Variants in TAFA4 observed in about 807,000 individuals in gnomAD.
TAFA4 encodes the protein chemokine-like protein TAFA-4.
In TAFA4, 20 loss-of-function variants were observed where a neutral mutation model predicts 21.1. The ratio of observed to expected loss-of-function variants is 0.95; its 90% CI spans 0.67 to 1.38. TAFA4 has a LOEUF of 1.38. Ranked by LOEUF, TAFA4 falls within the 40% of genes most tolerant of loss-of-function variation. The pLI, the probability that TAFA4 is intolerant of heterozygous loss-of-function variation, is 0.00. For missense variants in TAFA4, 211 were observed against 180.9 expected, an observed-to-expected ratio of 1.17 and a Z score of -0.95; for synonymous variants, 71 against 67.4, an observed-to-expected ratio of 1.05 and a Z score of -0.26.
chr3:68,815,630 G>C (rs1251191967), intron 3 of TAFA4, among the ~76,000 whole-genome samples: 1 of 152,208 alleles, frequency 6.6e-6, no homozygotes, highest in East Asian at 1.9e-4. Flanking sequence ...TCTCACACCA[G>C]TTAGAATGGC....
Position 68,767,978 on chromosome 3 carries a change from A to G in TAFA4, c.131-14960T>C, listed in dbSNP as rs539765543. Among the ~76,000 whole-genome samples the G allele has an allele frequency of 3.9e-5, 6 of 152,188 alleles. No individual in the cohort carries two copies. In the East Asian group the frequency reaches 1.2e-3, roughly 29 times the overall value. On this transcript the variant is annotated intron_variant, in intron 3 of 5. Coordinates refer to ENST00000295569, the MANE Select transcript of TAFA4 (RefSeq NM_182522.5). Reference sequence around the variant, plus strand: ...AAAAAATCAAATCTTTATTTGCTACATTTTTCAGATTTGCTTAAGCAGCCA... The same window carrying G: ...AAAAAATCAAATCTTTATTTGCTACGTTTTTCAGATTTGCTTAAGCAGCCA...
At chr3:68,875,762 C>A (rs917413065) in intron 3 of TAFA4, among the ~76,000 whole-genome samples, 1 of 152,028 alleles carries the variant, frequency 6.6e-6, no homozygotes. Context: ...TGTCAAATTA[C>A]TTTTGCCACT....
chr3:68,817,760 T>C (rs971356087), intron 3 of TAFA4, among the ~76,000 whole-genome samples: 10 of 151,742 alleles, frequency 6.6e-5, no homozygotes, highest in African/African-American at 1.7e-4. Context: ...AAAAGGAATC[T>C]CTTTTTTTTC....
At chr3:68,843,033 C>T (rs1472270410) in intron 3 of TAFA4, among the ~76,000 whole-genome samples, 1 of 152,122 alleles carries the variant, frequency 6.6e-6, no homozygotes, top group Non-Finnish European at 1.5e-5. Context: ...TTTTCAGTTC[C>T]ATATAAAATT....
intron 3 of TAFA4, among the ~76,000 whole-genome samples, chr3:68,839,362 T>G (rs541770529): frequency 6.6e-6 from 1 of 152,206 alleles, no homozygotes; most frequent in Non-Finnish European, 1.5e-5. Flanking sequence ...AGTTACATTA[T>G]TATATGGGGA....
At chr3:68,841,652 C>G (rs1308665514) in intron 3 of TAFA4, among the ~76,000 whole-genome samples, 1 of 152,026 alleles carries the variant, frequency 6.6e-6, no homozygotes, top group Non-Finnish European at 1.5e-5. Flanking sequence ...CACCCATGAA[C>G]CCATCATCTA....
chr3:68,853,952 T>C (rs1405201589), intron 3 of TAFA4, among the ~76,000 whole-genome samples: 1 of 152,208 alleles, frequency 6.6e-6, no homozygotes, highest in East Asian at 1.9e-4. Flanking sequence ...ACTGAGCACC[T>C]ATTATGTATG....
rs527998812 is a variant in TAFA4, at chr3:68,813,763, C to G, written c.131-60745G>C. 3.7e-4 allele frequency among the ~76,000 whole-genome samples: 56 copies of G among 152,246 alleles called. 2 individuals are homozygous for G. The South Asian group carries it at 0.012, about 32-fold the overall frequency. ...CAAGGAGGAACTGGTACCATTCCTTCTGAAACTATTCCAATCAATAGAAAA... is the reference window on the plus strand; with the variant it reads ...CAAGGAGGAACTGGTACCATTCCTTGTGAAACTATTCCAATCAATAGAAAA... On this transcript the variant is annotated intron_variant, in intron 3 of 5. Coordinates refer to ENST00000295569, the MANE Select transcript of TAFA4 (RefSeq NM_182522.5).
chr3:68,784,367 C>A (rs1703209512), intron 3 of TAFA4, among the ~76,000 whole-genome samples: 1 of 152,102 alleles, frequency 6.6e-6, no homozygotes, highest in South Asian at 2.1e-4. Context: ...TAAGGTGGCA[C>A]ATCTGGAGTT....
chr3:68,913,284 A>T (rs2089976101), intron 1 of TAFA4, among the ~76,000 whole-genome samples: 1 of 151,834 alleles, frequency 6.6e-6, no homozygotes, highest in South Asian at 2.1e-4. Flanking sequence ...AAGAGCTAAC[A>T]TTTTTTTGCC....
chr3:68,855,933 T>C (rs972107212), intron 3 of TAFA4, among the ~76,000 whole-genome samples: 1 of 152,122 alleles, frequency 6.6e-6, no homozygotes, highest in African/African-American at 2.4e-5. Context: ...TGCCCTTTCC[T>C]GTCTTTCTTG....
At chr3:68,776,543 G>A (rs1295428299) in intron 3 of TAFA4, among the ~76,000 whole-genome samples, 2 of 152,156 alleles carry the variant, frequency 1.3e-5, no homozygotes, top group African/African-American at 2.4e-5. Flanking sequence ...GGGACAAAGA[G>A]ACCATTCTAC....
chr3:68,789,737 G>A (rs1222284487), intron 3 of TAFA4, among the ~76,000 whole-genome samples: 3 of 152,188 alleles, frequency 2.0e-5, no homozygotes, highest in Admixed American at 2.0e-4. Flanking sequence ...GTTTCAACTA[G>A]TGCCTGACAC....
intron 3 of TAFA4, among the ~76,000 whole-genome samples, chr3:68,836,801 C>T (rs11715297): frequency 0.45 from 67,503 of 151,124 alleles, 15,536 homozygotes; most frequent in African/African-American, 0.53. Context: ...GGTTCAAGTC[C>T]TGACTATGCT....
chr3:68,898,834 T>C (rs114595134), intron 1 of TAFA4, among the ~76,000 whole-genome samples: 192 of 152,238 alleles, frequency 1.3e-3, no homozygotes, highest in Non-Finnish European at 2.4e-3. Context: ...AAGTATACAA[T>C]ATTAGTGGTA....
intron 3 of TAFA4, among the ~76,000 whole-genome samples, chr3:68,784,518 C>T (rs1703213306): frequency 6.6e-6 from 1 of 151,944 alleles, no homozygotes; most frequent in Admixed American, 6.6e-5. Flanking sequence ...GGCGGTGCCT[C>T]TGGAGTTCTT....
intron 3 of TAFA4, among the ~76,000 whole-genome samples, chr3:68,796,059 G>A (rs1213145076): frequency 2.0e-5 from 3 of 151,998 alleles, no homozygotes; most frequent in Admixed American, 2.0e-4. Flanking sequence ...CCAAATAAAC[G>A]GAGTCTCTCT....
chr3:68,753,076 C>A, intron 3 of TAFA4, 58 bp from the exon 4 acceptor site: 2 of 1,521,708 alleles, frequency 1.3e-6, no homozygotes, highest in Admixed American at 1.8e-5. Flanking sequence ...AATGACACCA[C>A]CAAAACCAAA....
At chr3:68,737,832 C>T (rs1381356986) in intron 5 of TAFA4, among the ~76,000 whole-genome samples, 2 of 152,134 alleles carry the variant, frequency 1.3e-5, no homozygotes, top group Admixed American at 6.5e-5. Context: ...ACTGTATGTA[C>T]TTCCTAAGGG....
Sources: gnomAD v4.1 joint callset for allele counts (sites outside exome capture counted in the v4.1 genomes callset) on GRCh38, gnomAD v4.1.1 for gene constraint, MANE v1.5 for transcripts, NCBI Gene and HGNC (gene_info 2026-07-23, HGNC 2026-07-21) for gene names.